MTREX: variants seen among roughly 807,000 people sequenced by gnomAD.
MTREX encodes the protein exosome RNA helicase MTR4.
Under a neutral mutation model 135.4 loss-of-function variants are expected in MTREX, and 76 were observed. The ratio of observed to expected loss-of-function variants is 0.56; its 90% confidence interval spans 0.47 to 0.68. The LOEUF is 0.68. Among genes scored for constraint, MTREX ranks in the 30% least tolerant of loss-of-function variants. The probability of loss-of-function intolerance (pLI) is 0.00; values close to 1 mark genes in which losing one functional copy is unlikely to be tolerated. For synonymous variants in MTREX, 404 were observed against 401.6 expected, an observed-to-expected ratio of 1.01 and a Z score of -0.07; for missense variants, 920 against 1,262.1, an observed-to-expected ratio of 0.73 and a Z score of 4.11.
chr5:55,425,411 TAAGATA>T lies in MTREX; in HGVS notation c.*642_*647del, dbSNP rs1455739679. ...TACAAAGTTGTGATCAACAGCATCC[TAAGATA>T]AATATAAACAAAAGGATATACTTTG... On this transcript the variant is annotated 3_prime_UTR_variant, in exon 27 of 27. Coordinates refer to ENST00000230640, the MANE Select transcript of MTREX (RefSeq NM_015360.5). 1 of 1,305,642 alleles carries T rather than the reference TAAGATA, an allele frequency of 7.7e-7. No individual in the cohort carries two copies. Among genetic ancestry groups the T allele is most frequent in the African/African-American group, 1.5e-5 (1 of 67,042 alleles). 80.9% of individuals were successfully genotyped at this position (1,305,642 alleles called of 1,614,324 possible).
intron 1 of MTREX, among the ~76,000 whole-genome samples, chr5:55,313,439 CAAAAA>C (rs780234061): frequency 5.1e-4 from 77 of 150,908 alleles, no homozygotes; most frequent in Non-Finnish European, 9.6e-4. Flanking sequence ...AGACATGTCT[CAAAAA>C]AAAGAAAAGA....
chr5:55,344,347 A>G (rs1008795949), intron 8 of MTREX, among the ~76,000 whole-genome samples, 175 bp from the exon 9 acceptor site: 6 of 152,118 alleles, frequency 3.9e-5, no homozygotes, highest in Non-Finnish European at 7.4e-5. Context: ...AATTTCATAG[A>G]CCTAATTTTT....
Position 55,404,339 on chromosome 5 carries a change from T to C in MTREX, c.2482-1086T>C, listed in dbSNP as rs75320331. Among the ~76,000 whole-genome samples, 608 of 152,316 alleles carry C rather than the reference T, an allele frequency of 4.0e-3. 4 individuals are homozygous for C. Among genetic ancestry groups the C allele is most frequent in the African/African-American group, 0.014 (580 of 41,566 alleles). Reference sequence around the variant, plus strand: ...CTGATTAACTAAATTTTAAAACTTATCTACTCTAAAGGATGACATCAAGGT... The same window carrying C: ...CTGATTAACTAAATTTTAAAACTTACCTACTCTAAAGGATGACATCAAGGT... On this transcript the variant is annotated intron_variant, in intron 21 of 26. Transcript: ENST00000230640.
At chr5:55,372,319 A>G (rs1437183866) in intron 16 of MTREX, among the ~76,000 whole-genome samples, 1 of 152,184 alleles carries the variant, frequency 6.6e-6, no homozygotes, top group Non-Finnish European at 1.5e-5. Flanking sequence ...TTTAAAAATA[A>G]CCAGGATGAT....
At chr5:55,421,521 G>GA (rs1751055724) in intron 25 of MTREX, among the ~76,000 whole-genome samples, 1 of 152,244 alleles carries the variant, frequency 6.6e-6, no homozygotes, top group African/African-American at 2.4e-5. Flanking sequence ...TCTCTGGCCT[G>GA]AATGTGCATT....
intron 18 of MTREX, 142 bp downstream of exon 18, chr5:55,379,337 A>C: frequency 1.8e-6 from 1 of 546,486 alleles, no homozygotes; most frequent in Non-Finnish European, 3.2e-6. Context: ...TAATTTTTGG[A>C]ATACACCCGG....
chr5:55,401,799 C>T (rs570050118), intron 21 of MTREX, among the ~76,000 whole-genome samples: 24 of 152,228 alleles, frequency 1.6e-4, no homozygotes, highest in Non-Finnish European at 2.9e-4. Context: ...AGCTTTTTGA[C>T]GTGAACACAA....
rs538555303 is a variant in MTREX, at chr5:55,425,555, A to G, written c.*783A>G. On this transcript the variant is annotated 3_prime_UTR_variant, in exon 27 of 27. Transcript: ENST00000230640. ...TTCAGCAAATAGCTTCATTTTGCCA[A>G]TACTGAATAAAAGAGTTATTTCTAC... 11 of 478,644 alleles carry G rather than the reference A, an allele frequency of 2.3e-5. No individual in the cohort carries two copies. The highest frequency in any genetic ancestry group is 1.4e-4 in the South Asian group (3 of 22,072). The allele number at this position is 478,644 out of a possible 1,614,324, so 29.6% of individuals were successfully genotyped here.
intron 25 of MTREX, among the ~76,000 whole-genome samples, chr5:55,419,285 T>G (rs569650011): frequency 6.6e-6 from 1 of 152,360 alleles, no homozygotes; most frequent in African/African-American, 2.4e-5. Context: ...CCTAATAAGA[T>G]TCTTAATTTT....
chr5:55,424,629 AGGGTTGGTATACT>A, intron 26 of MTREX, 78 bp from the exon 27 acceptor site: 1 of 816,592 alleles, frequency 1.2e-6, no homozygotes, highest in African/African-American at 1.7e-5. Context: ...CAGTTGAATC[AGGGTTGGTATACT>A]GGCTTTAAAA....
intron 10 of MTREX, 69 bp downstream of exon 10, chr5:55,345,265 T>G: frequency 9.8e-7 from 1 of 1,024,134 alleles, no homozygotes. Context: ...CTGATATTTT[T>G]TGTCTTAGTT....
intron 19 of MTREX, among the ~76,000 whole-genome samples, chr5:55,390,090 AT>A (rs1198249674): frequency 6.6e-6 from 1 of 151,932 alleles, no homozygotes; most frequent in Non-Finnish European, 1.5e-5. Flanking sequence ...ATCAGCGTTT[AT>A]AGAAGACTAC....
chr5:55,400,956 C>T (rs1314692772), intron 21 of MTREX, among the ~76,000 whole-genome samples: 2 of 152,144 alleles, frequency 1.3e-5, no homozygotes, highest in Non-Finnish European at 2.9e-5. Flanking sequence ...AGCATGTCTT[C>T]AGGGTTTATG....
At chr5:55,329,781 T>C (rs1194319942) in intron 5 of MTREX, among the ~76,000 whole-genome samples, 1 of 150,900 alleles carries the variant, frequency 6.6e-6, no homozygotes, top group Non-Finnish European at 1.5e-5. Flanking sequence ...TTTTTTCCTC[T>C]GGCTGCTTTT....
chr5:55,358,818 A>G (rs1027467180), intron 15 of MTREX, 120 bp downstream of exon 15: 2 of 763,528 alleles, frequency 2.6e-6, no homozygotes, highest in South Asian at 2.3e-5. Context: ...TACTGAAACT[A>G]TCTGGGCTTG....
chr5:55,396,380 A>G (rs230806), intron 19 of MTREX, among the ~76,000 whole-genome samples: 130,934 of 152,130 alleles, frequency 0.86, 56,731 homozygotes, highest in South Asian at 0.92. Flanking sequence ...TTACAACATT[A>G]TAGCTTTGCA....
intron 15 of MTREX, among the ~76,000 whole-genome samples, chr5:55,365,855 G>A (rs1271557550): frequency 2.0e-5 from 3 of 152,042 alleles, no homozygotes; most frequent in Non-Finnish European, 4.4e-5. Flanking sequence ...GCTGGGCCTG[G>A]TGGCACGCTC....
At chr5:55,325,957 A>G (rs917915423) in intron 3 of MTREX, among the ~76,000 whole-genome samples, 2 of 152,132 alleles carry the variant, frequency 1.3e-5, no homozygotes, top group Non-Finnish European at 2.9e-5. Context: ...TGATTTCTAG[A>G]AATTTATCTT....
At chr5:55,353,640 C>T (rs778461631) in intron 14 of MTREX, among the ~76,000 whole-genome samples, 2 of 152,118 alleles carry the variant, frequency 1.3e-5, no homozygotes, top group Non-Finnish European at 2.9e-5. Flanking sequence ...GAGGTCAAGG[C>T]TCCAGTGAGC....
Sources: allele counts gnomAD v4.1 joint callset (sites outside exome capture counted in the v4.1 genomes callset), GRCh38; gene constraint gnomAD v4.1.1; transcripts MANE v1.5; gene names NCBI Gene and HGNC (gene_info 2026-07-23, HGNC 2026-07-21).